Variants in KCNB2 observed in about 807,000 individuals in gnomAD.
The protein encoded by KCNB2 is delayed rectifier potassium channel protein.
KCNB2 carries 15 observed loss-of-function variants against 61.5 expected under a neutral mutation model. The observed-to-expected ratio is 0.24, with a 90% confidence interval of 0.16 to 0.38. The LOEUF is 0.38. Among genes scored for constraint, KCNB2 ranks in the 10% least tolerant of loss-of-function variants. The pLI, the probability that KCNB2 is intolerant of heterozygous loss-of-function variation, is 1.00. For missense variants in KCNB2, 828 were observed against 1,125.2 expected (o/e 0.74, Z 3.78); for synonymous variants, 457 against 446.0 (o/e 1.02, Z -0.31).
chr8:72,713,393 A>G (rs962317776), intron 2 of KCNB2, among the ~76,000 whole-genome samples: 4 of 152,152 alleles, frequency 2.6e-5, no homozygotes, highest in African/African-American at 9.7e-5. Flanking sequence ...CAAGTACCCT[A>G]ACTGGGAGGC....
intron 2 of KCNB2, among the ~76,000 whole-genome samples, chr8:72,828,982 T>C (rs1809645049): frequency 6.6e-6 from 1 of 152,206 alleles, no homozygotes; most frequent in Non-Finnish European, 1.5e-5. Flanking sequence ...AACGTTAGGC[T>C]TCTCTGTTGG....
intron 2 of KCNB2, among the ~76,000 whole-genome samples, chr8:72,720,546 T>C (rs2065113886): frequency 6.6e-6 from 1 of 152,212 alleles, no homozygotes; most frequent in South Asian, 2.1e-4. Flanking sequence ...ATTTGTTTCC[T>C]CACTGTAGTC....
chr8:72,866,352 C>A (rs574975286), intron 2 of KCNB2, among the ~76,000 whole-genome samples: 2 of 152,282 alleles, frequency 1.3e-5, no homozygotes, highest in African/African-American at 4.8e-5. Context: ...CAGTAAAGTG[C>A]CCATAGGGAC....
chr8:72,791,310 G>A (rs959806073), intron 2 of KCNB2, among the ~76,000 whole-genome samples: 7 of 152,212 alleles, frequency 4.6e-5, no homozygotes, highest in African/African-American at 1.2e-4. Context: ...AGCACTTTGC[G>A]GGACCAAGTT....
chr8:72,630,891 C>T (rs1261324584), intron 2 of KCNB2, among the ~76,000 whole-genome samples: 1 of 152,156 alleles, frequency 6.6e-6, no homozygotes, highest in East Asian at 1.9e-4. Flanking sequence ...GTATCAGTTT[C>T]TGTGGCTGCT....
intron 2 of KCNB2, among the ~76,000 whole-genome samples, chr8:72,897,650 G>A (rs377117146): frequency 1.3e-5 from 2 of 152,184 alleles, no homozygotes; most frequent in African/African-American, 2.4e-5. Flanking sequence ...AATAATTTAC[G>A]TTGTCTATTT....
chr8:72,607,375 G>C (rs1461257080), intron 2 of KCNB2, among the ~76,000 whole-genome samples: 1 of 152,138 alleles, frequency 6.6e-6, no homozygotes, highest in Non-Finnish European at 1.5e-5. Context: ...AGGACCCCTT[G>C]TTTCAAATGC....
intron 2 of KCNB2, among the ~76,000 whole-genome samples, chr8:72,596,228 A>G (rs1807186987): frequency 6.6e-6 from 1 of 152,128 alleles, no homozygotes; most frequent in Non-Finnish European, 1.5e-5. Context: ...TTGACCTCAT[A>G]TTTCCTTTGC....
At chr8:72,614,406 C>G (rs182505485) in intron 2 of KCNB2, among the ~76,000 whole-genome samples, 1 of 152,296 alleles carries the variant, frequency 6.6e-6, no homozygotes, top group East Asian at 1.9e-4. Context: ...TAGCTCTACT[C>G]TAATAGCCCT....
At chr8:72,802,254 A>T (rs943422256) in intron 2 of KCNB2, among the ~76,000 whole-genome samples, 1 of 152,232 alleles carries the variant, frequency 6.6e-6, no homozygotes, top group East Asian at 1.9e-4. Flanking sequence ...GAGGGCTTTG[A>T]CATGACAAAT....
intron 2 of KCNB2, among the ~76,000 whole-genome samples, chr8:72,910,448 A>C (rs1256829793): frequency 1.3e-5 from 2 of 152,190 alleles, no homozygotes; most frequent in Non-Finnish European, 2.9e-5. Context: ...TGTAGAAAAA[A>C]ACACCAACAT....
chr8:72,713,907 T>G (rs1563567918), intron 2 of KCNB2, among the ~76,000 whole-genome samples: 1 of 151,878 alleles, frequency 6.6e-6, no homozygotes, highest in African/African-American at 2.4e-5. Flanking sequence ...AGTTAAAAAC[T>G]TTGAAAAAAA....
rs1806157905 is a variant in KCNB2, at chr8:72,905,287, TC to T, written c.580-30646del. On this transcript the variant is annotated intron_variant, in intron 2 of 2. Transcript: ENST00000523207. ...GAGTTTTATCAAGGATTTTCTCCTG[TC>T]CTTTTTGCCCCTTTAGTCTGGCCAC... Among the ~76,000 whole-genome samples, 3 of 152,288 alleles carry T rather than the reference TC, an allele frequency of 2.0e-5. No homozygotes were observed. In the South Asian group the frequency reaches 6.2e-4, roughly 32 times the overall value.
intron 2 of KCNB2, among the ~76,000 whole-genome samples, chr8:72,576,786 A>G (rs1259741519): frequency 1.3e-5 from 2 of 152,218 alleles, no homozygotes; most frequent in African/African-American, 4.8e-5. Flanking sequence ...AAAACATTGA[A>G]GGACTTGAAG....
chr8:72,540,992 T>C (rs1806180953), intron 1 of KCNB2, among the ~76,000 whole-genome samples: 1 of 68,886 alleles, frequency 1.5e-5, no homozygotes, highest in Non-Finnish European at 2.9e-5. Context: ...CCAAGAATAT[T>C]TTAGGGGGAA....
intron 2 of KCNB2, among the ~76,000 whole-genome samples, chr8:72,768,932 G>A (rs1358239857): frequency 2.0e-5 from 3 of 152,112 alleles, no homozygotes; most frequent in Non-Finnish European, 4.4e-5. Flanking sequence ...AGGCCAAGGT[G>A]GGCAGATCAC....
intron 2 of KCNB2, among the ~76,000 whole-genome samples, chr8:72,669,493 A>G (rs1329818432): frequency 1.3e-5 from 2 of 152,240 alleles, no homozygotes; most frequent in Non-Finnish European, 2.9e-5. Context: ...TCTGATTCAT[A>G]GTGATGTGTA....
At chr8:72,672,698 G>A (rs906362839) in intron 2 of KCNB2, among the ~76,000 whole-genome samples, 1 of 151,660 alleles carries the variant, frequency 6.6e-6, no homozygotes, top group African/African-American at 2.4e-5. Flanking sequence ...TATTGTTAAG[G>A]TTTTTCCTCA....
chr8:72,920,423 C>G (rs1015001117), intron 2 of KCNB2, among the ~76,000 whole-genome samples: 1 of 113,174 alleles, frequency 8.8e-6, no homozygotes, highest in Admixed American at 9.1e-5. Context: ...GGCAACATGG[C>G]AAAACCCCCT....
Sources: allele counts gnomAD v4.1 joint callset (sites outside exome capture counted in the v4.1 genomes callset), GRCh38; gene constraint gnomAD v4.1.1; transcripts MANE v1.5; gene names NCBI Gene and HGNC (gene_info 2026-07-23, HGNC 2026-07-21).